Variants in CRACD observed in about 807,000 individuals in gnomAD.
CRACD encodes capping protein-inhibiting regulator of actin dynamics.
CRACD carries 56 observed loss-of-function variants against 106.8 expected under a neutral mutation model. The ratio of observed to expected loss-of-function variants is 0.52; its 90% CI spans 0.42 to 0.66. The LOEUF is 0.66. CRACD is among the 30% of genes least tolerant of loss of function. The probability of loss-of-function intolerance (pLI) is 0.00; values close to 1 mark genes in which losing one functional copy is unlikely to be tolerated. For missense variants in CRACD, 1,730 were observed against 1,623.2 expected (o/e 1.07, Z -1.13); for synonymous variants, 754 against 670.8 (o/e 1.12, Z -1.92).
At chr4:56,078,459 T>G (rs933675524) in intron 1 of CRACD, among the ~76,000 whole-genome samples, 2 of 152,146 alleles carry the variant, frequency 1.3e-5, no homozygotes, top group African/African-American at 2.4e-5. Context: ...CAGGCTAGAG[T>G]GCAGTGGTGT....
intron 1 of CRACD, among the ~76,000 whole-genome samples, chr4:56,124,572 A>G (rs1734600129): frequency 6.6e-6 from 1 of 152,202 alleles, no homozygotes; most frequent in Non-Finnish European, 1.5e-5. Context: ...ATGTCCTTTT[A>G]TAGTCCAATT....
chr4:56,174,295 G>A (rs1736494622), intron 1 of CRACD, among the ~76,000 whole-genome samples: 2 of 152,152 alleles, frequency 1.3e-5, no homozygotes, highest in African/African-American at 4.8e-5. Flanking sequence ...AGTTCTTTGT[G>A]TTGGGAGCAT....
chr4:56,149,531 GA>G (rs1332878393), intron 1 of CRACD, among the ~76,000 whole-genome samples: 3 of 152,110 alleles, frequency 2.0e-5, no homozygotes, highest in Admixed American at 6.6e-5. Context: ...TAAAACTCCT[GA>G]AAAATGGGAA....
chr4:56,287,753 T>C (rs1422018622), intron 3 of CRACD, among the ~76,000 whole-genome samples: 1 of 152,098 alleles, frequency 6.6e-6, no homozygotes, highest in African/African-American at 2.4e-5. Context: ...GGGTAAAATC[T>C]TGGAGTTTAA....
chr4:56,091,050 T>TTTTA lies in CRACD; in HGVS notation c.-336+41767_-336+41770dup, dbSNP rs529179361. Among the ~76,000 whole-genome samples the TTTTA allele has an allele frequency of 5.3e-5, 8 of 152,146 alleles. No individual in the cohort carries two copies. In the South Asian group the frequency reaches 1.2e-3, roughly 24 times the overall value. On this transcript the variant is annotated intron_variant, in intron 1 of 10. Transcript: ENST00000682029. ...ATAGTAGTTTTTTCTTTTCTTTCTT[T>TTTTA]TTTATTTATTTATTTATTTTGAGAT...
At chr4:56,298,097 G>A in intron 3 of CRACD, 117 bp from the exon 4 acceptor site, 1 of 1,158,072 alleles carries the variant, frequency 8.6e-7, no homozygotes, top group Non-Finnish European at 1.2e-6. Flanking sequence ...TGCTGAAAGT[G>A]CTTGCCGAAT....
At chr4:56,225,005 G>C (rs150252958) in intron 2 of CRACD, among the ~76,000 whole-genome samples, 1 of 152,202 alleles carries the variant, frequency 6.6e-6, no homozygotes, top group Admixed American at 6.5e-5. Flanking sequence ...GTGTCCACCT[G>C]AAGTCTTCAC....
At chr4:56,257,271 G>T (rs1355015829) in intron 2 of CRACD, among the ~76,000 whole-genome samples, 1 of 151,976 alleles carries the variant, frequency 6.6e-6, no homozygotes, top group African/African-American at 2.4e-5. Flanking sequence ...TAGTAGAAAT[G>T]AGGTTTTGCC....
At chr4:56,067,115 G>C (rs1302892841) in intron 1 of CRACD, among the ~76,000 whole-genome samples, 1 of 151,990 alleles carries the variant, frequency 6.6e-6, no homozygotes, top group Non-Finnish European at 1.5e-5. Flanking sequence ...TGCATTTTCA[G>C]GAAAGAATGG....
chr4:56,263,292 C>T (rs960289223), intron 2 of CRACD, among the ~76,000 whole-genome samples: 1 of 152,158 alleles, frequency 6.6e-6, no homozygotes, highest in Non-Finnish European at 1.5e-5. Flanking sequence ...TGTGAAGGCA[C>T]AGTTACAAAA....
intron 1 of CRACD, among the ~76,000 whole-genome samples, chr4:56,097,161 G>C (rs1305766942): frequency 1.3e-5 from 2 of 152,184 alleles, no homozygotes; most frequent in African/African-American, 2.4e-5. Context: ...CATGGGCCCA[G>C]CTACAGGCAG....
At chr4:56,090,420 C>T (rs996608413) in intron 1 of CRACD, among the ~76,000 whole-genome samples, 3 of 151,796 alleles carry the variant, frequency 2.0e-5, no homozygotes, top group African/African-American at 7.3e-5. Context: ...TTTTTTGAGA[C>T]AGGATCTCAT....
At chr4:56,307,809 C>A in intron 5 of CRACD, 110 bp downstream of exon 5, 1 of 1,091,878 alleles carries the variant, frequency 9.2e-7, no homozygotes. Flanking sequence ...GAGCTTTTCT[C>A]ATGAGTAGCT....
At chr4:56,215,624 G>A (rs1247936266) in intron 2 of CRACD, among the ~76,000 whole-genome samples, 2 of 152,198 alleles carry the variant, frequency 1.3e-5, no homozygotes, top group African/African-American at 2.4e-5. Flanking sequence ...GCCCCTGACA[G>A]TCTCTAGCAC....
intron 1 of CRACD, among the ~76,000 whole-genome samples, chr4:56,112,862 G>A (rs1734164525): frequency 6.6e-6 from 1 of 152,084 alleles, no homozygotes; most frequent in Admixed American, 6.6e-5. Flanking sequence ...CCCATGGGCC[G>A]CTAAGGGGTC....
intron 2 of CRACD, among the ~76,000 whole-genome samples, chr4:56,259,785 G>A (rs1741588929): frequency 6.6e-6 from 1 of 152,150 alleles, no homozygotes; most frequent in Admixed American, 6.5e-5. Flanking sequence ...GCAGGGGGTT[G>A]CTGGACTGGC....
chr4:56,242,570 C>T (rs1315716805), intron 2 of CRACD, among the ~76,000 whole-genome samples: 2 of 152,064 alleles, frequency 1.3e-5, no homozygotes, highest in African/African-American at 2.4e-5. Flanking sequence ...GTCAAATCTG[C>T]GTTCCTGCAA....
At chr4:56,063,728 T>TAA (rs201576470) in intron 1 of CRACD, among the ~76,000 whole-genome samples, 1 of 151,506 alleles carries the variant, frequency 6.6e-6, no homozygotes, top group African/African-American at 2.4e-5. Context: ...TATGACTTTT[T>TAA]AAAAAAAAAT....
At chr4:56,281,351 C>G (rs567988372) in intron 3 of CRACD, among the ~76,000 whole-genome samples, 14 of 152,170 alleles carry the variant, frequency 9.2e-5, no homozygotes, top group African/African-American at 3.4e-4. Flanking sequence ...TCTTCCCAGC[C>G]CCGTCCATGA....
Sources: allele counts gnomAD v4.1 joint callset (sites outside exome capture counted in the v4.1 genomes callset), GRCh38; gene constraint gnomAD v4.1.1; transcripts MANE v1.5; gene names NCBI Gene and HGNC (gene_info 2026-07-23, HGNC 2026-07-21).